Variants in IQCM observed in about 807,000 individuals in gnomAD.
IQCM encodes IQ motif containing M.
In IQCM, 45 loss-of-function variants were observed where a neutral mutation model predicts 57.6. The ratio of observed to expected loss-of-function variants is 0.78; its 90% confidence interval spans 0.62 to 1.00. The LOEUF (loss-of-function observed/expected upper bound fraction) is 1.00, where lower values mean the gene tolerates loss of function less well. IQCM is among the 50% of genes least tolerant of loss of function. IQCM has a pLI of 0.00. For synonymous variants in IQCM, 148 were observed against 158.9 expected, an observed-to-expected ratio of 0.93 and a Z score of 0.51; for missense variants, 468 against 511.6, an observed-to-expected ratio of 0.91 and a Z score of 0.82.
chr4:149,352,075 C>T lies in IQCM; in HGVS notation c.1391-9G>A, dbSNP rs1578754904. ...TGCTGGATGTCCATTTACTATAATA[C>T]AAAACATACAGTCACATTAATATAT... On this transcript the variant is annotated splice_polypyrimidine_tract_variant and intron_variant, in intron 13 of 13. Transcript: ENST00000636793. 1 of 398,762 alleles carries T rather than the reference C, an allele frequency of 2.5e-6. No homozygotes were observed. The highest frequency in any genetic ancestry group is 1.3e-4 in the South Asian group (1 of 7,854). The allele number at this position is 398,762 out of a possible 1,614,324, so 24.7% of individuals were successfully genotyped here. A position where few individuals can be genotyped will look rare whatever the true frequency, so the allele number is the denominator to read the frequency against.
intron 2 of IQCM, among the ~76,000 whole-genome samples, chr4:149,792,476 G>T (rs1258821032): frequency 6.6e-6 from 1 of 151,924 alleles, no homozygotes; most frequent in African/African-American, 2.4e-5. Context: ...TAATTTAAAG[G>T]GTCATGTTAT....
rs530040992 is a variant in IQCM at position 149,809,155 on chromosome 4, C to T, written c.-49+6156G>A. Among the ~76,000 whole-genome samples the T allele has an allele frequency of 2.4e-4, 37 of 151,804 alleles. No individual in the cohort carries two copies. In the South Asian group the frequency reaches 7.3e-3, roughly 30 times the overall value. ...CAATTTTATGAAAAACCCAGCTACC[C>T]GGGAGGCTGAGGCAGGGGAATCGCT... is the stretch of plus-strand genomic sequence containing the variant. On this transcript the variant is annotated intron_variant, in intron 2 of 13. Transcript: ENST00000636793.
At chr4:149,358,170 A>C (rs1419364040) in intron 13 of IQCM, among the ~76,000 whole-genome samples, 1 of 151,924 alleles carries the variant, frequency 6.6e-6, no homozygotes, top group Non-Finnish European at 1.5e-5. Context: ...CGGTCTATCA[A>C]TTTTGTTGAT....
chr4:149,390,141 AT>A (rs565800798), intron 13 of IQCM, among the ~76,000 whole-genome samples: 100 of 152,160 alleles, frequency 6.6e-4, no homozygotes, highest in Non-Finnish European at 1.4e-3. Context: ...TTTCAACAGT[AT>A]TTTGTACTTT....
chr4:149,387,168 G>A (rs1308351967), intron 13 of IQCM, among the ~76,000 whole-genome samples: 2 of 151,980 alleles, frequency 1.3e-5, no homozygotes, highest in African/African-American at 4.8e-5. Flanking sequence ...TGTCTGGTGA[G>A]GTTCCACTCT....
chr4:149,547,884 A>G (rs551526095), intron 12 of IQCM, among the ~76,000 whole-genome samples: 1 of 152,224 alleles, frequency 6.6e-6, no homozygotes, highest in Admixed American at 6.5e-5. Flanking sequence ...AGATGTTTTC[A>G]TACTTTTGTG....
At chr4:149,473,051 A>C (rs1212963786) in intron 12 of IQCM, among the ~76,000 whole-genome samples, 1 of 152,236 alleles carries the variant, frequency 6.6e-6, no homozygotes, top group Admixed American at 6.5e-5. Flanking sequence ...ACCATTCAGC[A>C]CATAGGCATG....
At chr4:149,657,980 AT>A (rs1579880267) in intron 7 of IQCM, among the ~76,000 whole-genome samples, 3 of 150,208 alleles carry the variant, frequency 2.0e-5, no homozygotes, top group Non-Finnish European at 4.4e-5. Context: ...TTTGTTTTGG[AT>A]TTTTTGTTTT....
chr4:149,556,894 T>G (rs1049643139), intron 10 of IQCM, among the ~76,000 whole-genome samples: 10 of 152,210 alleles, frequency 6.6e-5, no homozygotes, highest in African/African-American at 2.4e-4. Context: ...GTACTCATTT[T>G]GATCTGAGTC....
intron 7 of IQCM, among the ~76,000 whole-genome samples, chr4:149,621,949 CATATATGTAT>C (rs1423852051): frequency 2.0e-5 from 3 of 152,074 alleles, no homozygotes; most frequent in Admixed American, 6.6e-5. Flanking sequence ...AATTTTCCTT[CATATATGTAT>C]ATATATGTAT....
intron 2 of IQCM, among the ~76,000 whole-genome samples, chr4:149,760,150 G>C (rs1160769875): frequency 6.6e-6 from 1 of 151,950 alleles, no homozygotes; most frequent in Non-Finnish European, 1.5e-5. Context: ...CCAGTTAAAG[G>C]ACAGCAAGGA....
At chr4:149,365,457 C>T (rs568290689) in intron 13 of IQCM, among the ~76,000 whole-genome samples, 1 of 152,138 alleles carries the variant, frequency 6.6e-6, no homozygotes, top group South Asian at 2.1e-4. Context: ...TTTATAGATA[C>T]CTCCACATCC....
At chr4:149,502,575 G>T (rs1285591664) in intron 12 of IQCM, among the ~76,000 whole-genome samples, 4 of 152,138 alleles carry the variant, frequency 2.6e-5, no homozygotes, top group Non-Finnish European at 5.9e-5. Flanking sequence ...TCAGGAGGCT[G>T]AGGTGTGAGG....
chr4:149,414,059 T>C (rs922948897), intron 13 of IQCM, among the ~76,000 whole-genome samples: 5 of 152,316 alleles, frequency 3.3e-5, no homozygotes, highest in African/African-American at 1.2e-4. Flanking sequence ...CCAGTGGTTT[T>C]TTAAAATGCA....
At chr4:149,506,283 T>C (rs1357891043) in intron 12 of IQCM, among the ~76,000 whole-genome samples, 1 of 152,214 alleles carries the variant, frequency 6.6e-6, no homozygotes, top group Non-Finnish European at 1.5e-5. Flanking sequence ...TTAGCCTAAC[T>C]AGTCCTTCAT....
chr4:149,763,693 C>G (rs1417465623), intron 2 of IQCM, among the ~76,000 whole-genome samples: 1 of 152,090 alleles, frequency 6.6e-6, no homozygotes, highest in Non-Finnish European at 1.5e-5. Flanking sequence ...GTGATCTGCT[C>G]AAGGCGGAAG....
intron 3 of IQCM, among the ~76,000 whole-genome samples, chr4:149,739,308 T>C (rs1333008265): frequency 1.3e-5 from 2 of 152,032 alleles, no homozygotes; most frequent in Non-Finnish European, 2.9e-5. Flanking sequence ...AATAATAATA[T>C]ATGTCACAGA....
At chr4:149,757,908 G>A (rs1196645629) in intron 2 of IQCM, among the ~76,000 whole-genome samples, 2 of 152,082 alleles carry the variant, frequency 1.3e-5, no homozygotes, top group Non-Finnish European at 2.9e-5. Flanking sequence ...AATAAAGATA[G>A]CTTATTAAAA....
At chr4:149,649,299 C>A (rs1273552622) in intron 7 of IQCM, among the ~76,000 whole-genome samples, 1 of 151,956 alleles carries the variant, frequency 6.6e-6, no homozygotes, top group Non-Finnish European at 1.5e-5. Context: ...CTTAATGCAG[C>A]GAGGGTCTTT....
Sources: allele counts gnomAD v4.1 joint callset (sites outside exome capture counted in the v4.1 genomes callset), GRCh38; gene constraint gnomAD v4.1.1; transcripts MANE v1.5; gene names NCBI Gene and HGNC (gene_info 2026-07-23, HGNC 2026-07-21).